Variants in NAALADL2 observed in about 807,000 individuals in gnomAD.
The protein encoded by NAALADL2 is N-acetylated alpha-linked acidic dipeptidase like 2.
Under a neutral mutation model 87.2 loss-of-function variants are expected in NAALADL2, and 76 were observed. The ratio of observed to expected loss-of-function variants is 0.87; its 90% CI spans 0.72 to 1.05. The LOEUF (loss-of-function observed/expected upper bound fraction) is 1.05. Among genes scored for constraint, NAALADL2 ranks in the 50% least tolerant of loss-of-function variants. The pLI, the probability that NAALADL2 is intolerant of heterozygous loss-of-function variation, is 0.00. For missense variants in NAALADL2, 1,089 were observed against 945.8 expected, an observed-to-expected ratio of 1.15 and a Z score of -1.99; for synonymous variants, 354 against 331.0, an observed-to-expected ratio of 1.07 and a Z score of -0.75.
rs562213333 is a variant in NAALADL2, at chr3:174,587,876, G to T, written c.-115+37239G>T. On this transcript the variant is annotated intron_variant, in intron 2 of 3. Coordinates refer to the NAALADL2 transcript ENST00000434257. Reference sequence around the variant, plus strand: ...GTCTTGGAGTTGCTCTTCTTGAGGAGTATCTTTGTGGCGTTCTCTGTATTT... The same window carrying T: ...GTCTTGGAGTTGCTCTTCTTGAGGATTATCTTTGTGGCGTTCTCTGTATTT... Among the ~76,000 whole-genome samples the T allele has an allele frequency of 6.6e-5, 10 of 152,250 alleles. No individual in the cohort carries two copies. In the South Asian group the frequency reaches 1.9e-3, roughly 28 times the overall value.
chr3:174,750,927 C>G (rs965322225), intron 3 of NAALADL2, among the ~76,000 whole-genome samples: 6 of 152,178 alleles, frequency 3.9e-5, no homozygotes, highest in Middle Eastern at 3.4e-3. Context: ...ATGTTTGATT[C>G]CAGTCAGCCC....
intron 2 of NAALADL2, among the ~76,000 whole-genome samples, chr3:174,570,121 G>A (rs1040163414): frequency 2.0e-5 from 3 of 152,034 alleles, no homozygotes; most frequent in Non-Finnish European, 2.9e-5. Context: ...TTCTTCCAGG[G>A]ATCATAGTGT....
intron 1 of NAALADL2, among the ~76,000 whole-genome samples, chr3:174,916,048 A>C (rs1301303300): frequency 6.6e-6 from 1 of 152,194 alleles, no homozygotes; most frequent in Non-Finnish European, 1.5e-5. Context: ...CCCATGAAAA[A>C]TATGGGCAAA....
chr3:174,936,878 G>A (rs1441062940), intron 1 of NAALADL2, among the ~76,000 whole-genome samples: 7 of 152,234 alleles, frequency 4.6e-5, no homozygotes, highest in African/African-American at 1.7e-4. Context: ...GGAAACTTGC[G>A]AGGGAAATGG....
chr3:175,286,109 TATC>T (rs909649875), intron 4 of NAALADL2, among the ~76,000 whole-genome samples: 15 of 152,330 alleles, frequency 9.8e-5, no homozygotes, highest in African/African-American at 3.6e-4. Flanking sequence ...AAAATGCACT[TATC>T]TGTTGACATT....
intron 2 of NAALADL2, among the ~76,000 whole-genome samples, chr3:174,685,647 G>A (rs576194112): frequency 6.6e-6 from 1 of 152,054 alleles, no homozygotes; most frequent in East Asian, 1.9e-4. Context: ...TTTGGCCTGT[G>A]TTTTATTTTA....
At chr3:174,853,201 CAAAAA>C (rs34303846) in intron 3 of NAALADL2, among the ~76,000 whole-genome samples, 7,578 of 45,326 alleles carry the variant, frequency 0.17, 348 homozygotes, top group Non-Finnish European at 0.19. Flanking sequence ...CCGTCTCTAC[CAAAAA>C]AAAAAAAAAA....
intron 5 of NAALADL2, among the ~76,000 whole-genome samples, chr3:175,398,070 TTTC>T (rs1770044097): frequency 2.6e-5 from 4 of 152,138 alleles, no homozygotes; most frequent in South Asian, 2.1e-4. Context: ...AACTATGACT[TTTC>T]TTGTTAAATA....
chr3:174,833,534 C>G (rs1440267373), intron 3 of NAALADL2, among the ~76,000 whole-genome samples: 1 of 152,018 alleles, frequency 6.6e-6, no homozygotes, highest in South Asian at 2.1e-4. Flanking sequence ...AGAGGAAAAA[C>G]TTGCCCACGT....
intron 2 of NAALADL2, among the ~76,000 whole-genome samples, chr3:174,637,190 G>C (rs1399619110): frequency 6.6e-6 from 1 of 152,028 alleles, no homozygotes; most frequent in East Asian, 1.9e-4. Flanking sequence ...GGTGGGAGTG[G>C]TGATAAGAAG....
chr3:175,544,739 G>T (rs745682685), intron 9 of NAALADL2, among the ~76,000 whole-genome samples: 5 of 151,620 alleles, frequency 3.3e-5, no homozygotes, highest in Non-Finnish European at 7.4e-5. Context: ...TTTTTATACC[G>T]TCTAAGCCCT....
At chr3:175,075,420 G>A (rs116459834) in intron 1 of NAALADL2, among the ~76,000 whole-genome samples, 1 of 152,170 alleles carries the variant, frequency 6.6e-6, no homozygotes, top group Non-Finnish European at 1.5e-5. Flanking sequence ...TTTACATTCA[G>A]AGGATGACTC....
chr3:175,758,903 A>G (rs1340812121), intron 13 of NAALADL2, among the ~76,000 whole-genome samples: 2 of 152,174 alleles, frequency 1.3e-5, no homozygotes, highest in African/African-American at 2.4e-5. Flanking sequence ...GAAGTAAAAG[A>G]TGATTTGCAT....
intron 2 of NAALADL2, among the ~76,000 whole-genome samples, chr3:175,228,618 T>C (rs1744502220): frequency 6.6e-6 from 1 of 151,912 alleles, no homozygotes; most frequent in African/African-American, 2.4e-5. Flanking sequence ...ATTCAAAGAA[T>C]ACATTTTAAA....
At chr3:175,182,029 G>C (rs565081306) in intron 2 of NAALADL2, among the ~76,000 whole-genome samples, 2 of 151,682 alleles carry the variant, frequency 1.3e-5, no homozygotes, top group Admixed American at 1.3e-4. Context: ...AATGTACAAC[G>C]GTTCCTTTTC....
At chr3:174,917,315 C>T (rs1205606266) in intron 1 of NAALADL2, among the ~76,000 whole-genome samples, 1 of 152,086 alleles carries the variant, frequency 6.6e-6, no homozygotes, top group African/African-American at 2.4e-5. Flanking sequence ...AGCACATTTG[C>T]ATTGTGATTA....
chr3:175,600,908 T>G (rs1408246607), intron 10 of NAALADL2, among the ~76,000 whole-genome samples: 1 of 152,192 alleles, frequency 6.6e-6, no homozygotes, highest in Non-Finnish European at 1.5e-5. Flanking sequence ...CTGTGACAAA[T>G]GGACCTTGTT....
chr3:174,966,454 G>A (rs528899513), intron 1 of NAALADL2, among the ~76,000 whole-genome samples: 2 of 152,274 alleles, frequency 1.3e-5, no homozygotes, highest in South Asian at 2.1e-4. Context: ...GTGGCAAAAT[G>A]TGTTAGTGGT....
intron 2 of NAALADL2, among the ~76,000 whole-genome samples, chr3:174,598,636 T>C (rs759818450): frequency 2.0e-5 from 3 of 152,174 alleles, no homozygotes; most frequent in Admixed American, 6.5e-5. Context: ...AATTAGTTCA[T>C]GATAAACAGC....
Sources: allele counts gnomAD v4.1 joint callset (sites outside exome capture counted in the v4.1 genomes callset), GRCh38; gene constraint gnomAD v4.1.1; transcripts MANE v1.5; gene names NCBI Gene and HGNC (gene_info 2026-07-23, HGNC 2026-07-21).